The following MECOM variants were observed in gnomAD, a reference collection of about 807,000 sequenced individuals.
MECOM encodes MDS1 and EVI1 complex locus, also known as histone-lysine N-methyltransferase MECOM.
MECOM carries 13 observed loss-of-function variants against 116.3 expected under a neutral mutation model. The observed-to-expected ratio is 0.11, with a 90% CI of 0.07 to 0.18. MECOM has a LOEUF of 0.18. Among genes scored for constraint, MECOM ranks in the 10% least tolerant of loss-of-function variants. MECOM has a pLI of 1.00. For missense variants in MECOM, 1,299 were observed against 1,509.0 expected, an observed-to-expected ratio of 0.86 and a Z score of 2.31; for synonymous variants, 528 against 535.2, an observed-to-expected ratio of 0.99 and a Z score of 0.19.
At chr3:169,234,953 T>C (rs1279980189) in intron 2 of MECOM, among the ~76,000 whole-genome samples, 1 of 152,248 alleles carries the variant, frequency 6.6e-6, no homozygotes, top group East Asian at 1.9e-4. Flanking sequence ...TTCAGTTGTT[T>C]TTAATTGGTT....
intron 1 of MECOM, among the ~76,000 whole-genome samples, chr3:169,424,754 C>T (rs1740353086): frequency 6.6e-6 from 1 of 152,120 alleles, no homozygotes; most frequent in African/African-American, 2.4e-5. Flanking sequence ...CAGAAACCCC[C>T]TTGTACCAGA....
intron 1 of MECOM, among the ~76,000 whole-genome samples, chr3:169,581,190 C>T (rs774971126): frequency 1.3e-5 from 2 of 152,138 alleles, no homozygotes; most frequent in African/African-American, 2.4e-5. Context: ...AAAGGAGCAC[C>T]GAATCTCTGA....
chr3:169,662,022 T>C (rs1251856787), intron 1 of MECOM, among the ~76,000 whole-genome samples: 1 of 152,152 alleles, frequency 6.6e-6, no homozygotes, highest in Admixed American at 6.5e-5. Context: ...CTGAGTCCCC[T>C]TCAACTCGAA....
At chr3:169,631,690 CTA>C (rs1020374995) in intron 1 of MECOM, among the ~76,000 whole-genome samples, 6 of 148,128 alleles carry the variant, frequency 4.1e-5, no homozygotes, top group African/African-American at 1.5e-4. Flanking sequence ...CAATTCCCAC[CTA>C]TGAGTGAGAA....
intron 1 of MECOM, among the ~76,000 whole-genome samples, chr3:169,507,794 T>C (rs1486734346): frequency 1.4e-5 from 2 of 141,830 alleles, no homozygotes; most frequent in African/African-American, 5.4e-5. Context: ...CCCGAGTAGC[T>C]GGGACCACAG....
intron 1 of MECOM, among the ~76,000 whole-genome samples, chr3:169,381,935 A>G (rs1437601046): frequency 6.6e-6 from 1 of 152,226 alleles, no homozygotes; most frequent in African/African-American, 2.4e-5. Flanking sequence ...TTGTCATGCA[A>G]TGTTATCTTG....
chr3:169,436,939 T>A (rs1742761902), intron 1 of MECOM, among the ~76,000 whole-genome samples: 1 of 152,150 alleles, frequency 6.6e-6, no homozygotes, highest in African/African-American at 2.4e-5. Context: ...AAAAAATATA[T>A]TTTAAGGGTA....
chr3:169,138,554 C>T (rs1250998096), intron 3 of MECOM, among the ~76,000 whole-genome samples: 3 of 152,152 alleles, frequency 2.0e-5, no homozygotes, highest in African/African-American at 7.2e-5. Context: ...TGCCAGCTGG[C>T]ATTCATCTTA....
At chr3:169,229,429 T>C (rs1402907450) in intron 2 of MECOM, among the ~76,000 whole-genome samples, 1 of 152,198 alleles carries the variant, frequency 6.6e-6, no homozygotes, top group Non-Finnish European at 1.5e-5. Context: ...CTGCTTGGTC[T>C]TCTGATCAGA....
chr3:169,089,682 C>T (rs754773266), intron 15 of MECOM, among the ~76,000 whole-genome samples: 5 of 151,972 alleles, frequency 3.3e-5, no homozygotes, highest in South Asian at 4.1e-4. Flanking sequence ...AATTAGATAA[C>T]GTCAAAATCT....
At chr3:169,336,442 A>G (rs762215824) in intron 2 of MECOM, among the ~76,000 whole-genome samples, 1 of 152,048 alleles carries the variant, frequency 6.6e-6, no homozygotes, top group Non-Finnish European at 1.5e-5. Flanking sequence ...TAAAAGTTAC[A>G]CTATTTTTTT....
At chr3:169,298,708 A>T (rs146550023) in intron 2 of MECOM, among the ~76,000 whole-genome samples, 1 of 152,180 alleles carries the variant, frequency 6.6e-6, no homozygotes, top group Admixed American at 6.5e-5. Flanking sequence ...TATTCATTCA[A>T]CAAACTCTTA....
chr3:169,279,674 A>G (rs1197782596), intron 2 of MECOM, among the ~76,000 whole-genome samples: 11 of 152,170 alleles, frequency 7.2e-5, no homozygotes, highest in Non-Finnish European at 1.6e-4. Context: ...AATCAAATCT[A>G]TTGCTAATTG....
chr3:169,460,186 T>C (rs1451129967), intron 1 of MECOM, among the ~76,000 whole-genome samples: 2 of 151,996 alleles, frequency 1.3e-5, no homozygotes, highest in Non-Finnish European at 2.9e-5. Flanking sequence ...ATCCAAAAAT[T>C]GTAAAAGATA....
At chr3:169,429,845 T>TA (rs1741317510) in intron 1 of MECOM, among the ~76,000 whole-genome samples, 2 of 152,126 alleles carry the variant, frequency 1.3e-5, no homozygotes, top group South Asian at 2.1e-4. Context: ...ATATTGTGCA[T>TA]AAAAAATCCT....
intron 1 of MECOM, among the ~76,000 whole-genome samples, chr3:169,472,550 AAAGAAAAGAGAGGAG>A (rs1560318160): frequency 6.8e-4 from 62 of 90,572 alleles, no homozygotes; most frequent in South Asian, 1.0e-3. Flanking sequence ...AAGGAAAGGA[AAAGAAAAGAGAGGAG>A]AGGAGAGGAG....
rs749264592 is a variant in MECOM, at chr3:169,115,455, T to C, written c.2417A>G (p.Glu806Gly). 1 of 1,614,204 alleles carries C rather than the reference T, an allele frequency of 6.2e-7. No homozygotes were observed. Among genetic ancestry groups the C allele is most frequent in the Non-Finnish European group, 8.5e-7 (1 of 1,180,030 alleles). Residue 806 changes from glutamate (E) to glycine (G), a missense_variant, in exon 8 of 17, where the codon GAA becomes GGA. Transcript: ENST00000651503. ...VFGGKKGSNV[E>G]SRPASDGSLQ... Reference sequence around the variant, plus strand: ...GGAACCATCTGAAGCAGGTCTTGATTCGACGTTGCTTCCTTTTTTTCCCCC... The same window carrying C: ...GGAACCATCTGAAGCAGGTCTTGATCCGACGTTGCTTCCTTTTTTTCCCCC...
chr3:169,112,744 AAGTT>A (rs1315632217), intron 9 of MECOM, 39 bp downstream of exon 9: 2 of 1,454,124 alleles, frequency 1.4e-6, no homozygotes, highest in Non-Finnish European at 1.9e-6. Flanking sequence ...CAGGATCAAC[AAGTT>A]AGTTTACAAG....
At chr3:169,313,999 T>C (rs984547839) in intron 2 of MECOM, among the ~76,000 whole-genome samples, 1 of 152,214 alleles carries the variant, frequency 6.6e-6, no homozygotes, top group Non-Finnish European at 1.5e-5. Context: ...TACCACATCC[T>C]AACCTAACAA....
Sources: gnomAD v4.1 joint callset for allele counts (sites outside exome capture counted in the v4.1 genomes callset) on GRCh38, gnomAD v4.1.1 for gene constraint, MANE v1.5 for transcripts, NCBI Gene and HGNC (gene_info 2026-07-23, HGNC 2026-07-21) for gene names.